Variants in BACH1 observed in about 807,000 individuals in gnomAD.
The protein encoded by BACH1 is BTB domain and CNC homolog 1.
A neutral mutation model predicts 52.9 loss-of-function variants in BACH1; 35 were observed. The observed-to-expected ratio is 0.66, with a 90% confidence interval of 0.51 to 0.88. The LOEUF is 0.88. BACH1 is among the 40% of genes least tolerant of loss of function. The probability of loss-of-function intolerance (pLI) is 0.00; values close to 1 mark genes in which losing one functional copy is unlikely to be tolerated. For missense variants in BACH1, 808 were observed against 872.6 expected, an observed-to-expected ratio of 0.93 and a Z score of 0.93; for synonymous variants, 321 against 319.6, an observed-to-expected ratio of 1.00 and a Z score of -0.05.
At chr21:29,349,243 C>CG (rs145456314), downstream of BACH1, among the ~76,000 whole-genome samples, 3,059 of 152,256 alleles carry the variant, frequency 0.02, 88 homozygotes, top group African/African-American at 0.062. Flanking sequence ...GCAAGGGCCA[C>CG]AGTGGCCTGG....
intron 2 of BACH1, among the ~76,000 whole-genome samples, chr21:29,322,772 GGTT>G (rs1453007122): frequency 1.3e-5 from 2 of 152,206 alleles, no homozygotes; most frequent in Non-Finnish European, 2.9e-5. Flanking sequence ...TTTGGGAACA[GGTT>G]GTCTGTTAGT....
At chr21:29,358,810 G>GAAAGAAAGAAAGAA (rs1555888597) in intron 2 of BACH1, among the ~76,000 whole-genome samples, 20 of 88,794 alleles carry the variant, frequency 2.3e-4, no homozygotes, top group African/African-American at 5.8e-4. Flanking sequence ...AAGAAAGAAA[G>GAAAGAAAGAAAGAA]AAAGAAGAAA....
intron 4 of BACH1, among the ~76,000 whole-genome samples, chr21:29,335,325 T>G (rs1362135922): frequency 6.6e-6 from 1 of 152,236 alleles, no homozygotes; most frequent in Non-Finnish European, 1.5e-5. Context: ...CTGTTTGTAC[T>G]GCCCAGCACG....
At chr21:29,310,341 T>C (rs1465181636) in intron 1 of BACH1, among the ~76,000 whole-genome samples, 2 of 152,226 alleles carry the variant, frequency 1.3e-5, no homozygotes, top group Admixed American at 6.5e-5. Flanking sequence ...AGAATTTGAA[T>C]GCAGAAACAA....
intron 1 of BACH1, among the ~76,000 whole-genome samples, chr21:29,310,225 C>G (rs1394246706): frequency 5.3e-5 from 8 of 152,132 alleles, no homozygotes. Context: ...TCACGACAAT[C>G]AAAATAATTG....
intron 1 of BACH1, among the ~76,000 whole-genome samples, chr21:29,302,296 A>G (rs571022437): frequency 6.6e-6 from 1 of 152,342 alleles, no homozygotes; most frequent in East Asian, 1.9e-4. Context: ...ATTCGCCAGA[A>G]TCCGTGCCCC....
rs922884803 is a variant in BACH1, at chr21:29,345,938, A to T, written c.*3105A>T. 2 of 152,630 alleles carry T rather than the reference A, an allele frequency of 1.3e-5. No individual in the cohort carries two copies. The highest frequency in any genetic ancestry group is 1.3e-4 in the Admixed American group (2 of 15,278). The allele number at this position is 152,630 out of a possible 1,614,324, so 9.5% of individuals were successfully genotyped here. On this transcript the variant is annotated 3_prime_UTR_variant, in exon 5 of 5. Coordinates refer to ENST00000286800, the MANE Select transcript of BACH1 (RefSeq NM_001186.4). ...AAACATTGATTTTTTTATATCTTTCATAATATAATTTTCTAACAATGCAAT... is the reference window on the plus strand; with the variant it reads ...AAACATTGATTTTTTTATATCTTTCTTAATATAATTTTCTAACAATGCAAT...
rs1479980934 is a variant in BACH1 at position 29,326,240 on chromosome 21, A to T, written c.416A>T (p.Glu139Val). 1 of 1,614,138 alleles carries T rather than the reference A, an allele frequency of 6.2e-7. No individual in the cohort carries two copies. The highest frequency in any genetic ancestry group is 1.7e-5 in the Admixed American group (1 of 59,998). Residue 139 changes from glutamate (E) to valine (V), a missense_variant, in exon 3 of 5, where the codon GAA (glutamate) becomes GTA (valine). By Grantham distance (121) the Glu-to-Val change is moderately radical (BLOSUM62 -2). Coordinates refer to ENST00000286800, the MANE Select transcript of BACH1 (RefSeq NM_001186.4). ...KFLDSTADQQ[E>V]CPRKKCFSSH... Reference sequence around the variant, plus strand: ...TTGGACTCCACTGCAGACCAGCAAGAATGCCCAAGAAAAAAATGCTTTTCA... The same window carrying T: ...TTGGACTCCACTGCAGACCAGCAAGTATGCCCAAGAAAAAAATGCTTTTCA...
chr21:29,340,425 C>G (rs890975690), intron 4 of BACH1, among the ~76,000 whole-genome samples: 1 of 152,054 alleles, frequency 6.6e-6, no homozygotes, highest in Non-Finnish European at 1.5e-5. Context: ...GATGTCATCC[C>G]TAATTTAGTG....
chr21:29,319,318 A>G (rs1490209051), intron 1 of BACH1, among the ~76,000 whole-genome samples: 1 of 152,164 alleles, frequency 6.6e-6, no homozygotes, highest in Non-Finnish European at 1.5e-5. Flanking sequence ...AAGAGAAGGT[A>G]TTGGATCCCA....
intron 2 of BACH1, among the ~76,000 whole-genome samples, chr21:29,353,266 T>TA (rs1162371644): frequency 6.6e-6 from 1 of 152,138 alleles, no homozygotes; most frequent in Non-Finnish European, 1.5e-5. Context: ...AAGTTGTAAG[T>TA]AAAAAATAGA....
chr21:29,311,604 T>G (rs59795412), intron 1 of BACH1, among the ~76,000 whole-genome samples: 1 of 152,214 alleles, frequency 6.6e-6, no homozygotes, highest in Middle Eastern at 3.2e-3. Flanking sequence ...ATCTGTTGAC[T>G]TGGTATTACT....
At chr21:29,351,209 C>T (rs997161817) in intron 2 of BACH1, among the ~76,000 whole-genome samples, 1 of 152,178 alleles carries the variant, frequency 6.6e-6, no homozygotes, top group African/African-American at 2.4e-5. Context: ...GGAGACCGGA[C>T]CTAAATAATT....
downstream of BACH1, among the ~76,000 whole-genome samples, chr21:29,348,014 T>TA (rs201350199): frequency 0.012 from 1,755 of 152,170 alleles, 35 homozygotes; most frequent in African/African-American, 0.04. Context: ...CCCTTTGGAT[T>TA]AAAAAAAATC....
At position 29,327,085 on chromosome 21, in the gene BACH1, G is replaced by T; in HGVS notation, c.1261G>T (p.Ala421Ser). Reference protein sequence around the residue: ...PCQMQLSPAVAKDGSEQISQK... With the variant: ...PCQMQLSPAVSKDGSEQISQK... Reference sequence around the variant, plus strand: ...CCAAATGCAGTTATCACCTGCTGTGGCCAAAGATGGCTCAGAACAGATCTC... The same window carrying T: ...CCAAATGCAGTTATCACCTGCTGTGTCCAAAGATGGCTCAGAACAGATCTC... The change falls in exon 3 of 5, where the codon GCC (alanine) becomes TCC (serine). Residue 421 changes from alanine (A) to serine (S), a missense_variant. By Grantham distance (99) the Ala-to-Ser change is moderately conservative. Coordinates refer to ENST00000286800, the MANE Select transcript of BACH1 (RefSeq NM_001186.4). 2 of 1,614,208 alleles carry T rather than the reference G, an allele frequency of 1.2e-6. No homozygotes were observed. The highest frequency in any genetic ancestry group is 1.7e-6 in the Non-Finnish European group (2 of 1,180,046).
downstream of BACH1, among the ~76,000 whole-genome samples, chr21:29,350,069 G>T (rs2089193662): frequency 6.6e-6 from 1 of 152,058 alleles, no homozygotes; most frequent in Non-Finnish European, 1.5e-5. Context: ...AAGCCACAAC[G>T]ATCCTCTAGA....
rs1333477876 is a variant in BACH1, at chr21:29,345,827, A to G, written c.*2994A>G. 6.6e-6 allele frequency: 1 copy of G among 152,632 alleles called. No homozygotes were observed. The highest frequency in any genetic ancestry group is 1.5e-5 in the Non-Finnish European group (1 of 68,026). 9.5% of individuals were successfully genotyped at this position (152,632 alleles called of 1,614,324 possible). On this transcript the variant is annotated 3_prime_UTR_variant, in exon 5 of 5. Transcript: ENST00000286800. Reference sequence around the variant, plus strand: ...TAAATGTTTTATTAAGGCATGTAATAAACTATTCTTTGAAACTTGTTGGGT... The same window carrying G: ...TAAATGTTTTATTAAGGCATGTAATGAACTATTCTTTGAAACTTGTTGGGT...
At chr21:29,318,084 TA>T (rs201202898) in intron 1 of BACH1, among the ~76,000 whole-genome samples, 1 of 150,366 alleles carries the variant, frequency 6.7e-6, no homozygotes, top group African/African-American at 2.4e-5. Flanking sequence ...AACTGGGATT[TA>T]AAAAAAAAAT....
chr21:29,344,630 G>C lies in BACH1; in HGVS notation c.*1797G>C, dbSNP rs532354200. The C allele has an allele frequency of 3.2e-5, 4 of 123,280 alleles. No individual in the cohort carries two copies. The East Asian group carries it at 1.0e-3, about 32-fold the overall frequency. 7.6% of individuals were successfully genotyped at this position (123,280 alleles called of 1,614,324 possible). On this transcript the variant is annotated 3_prime_UTR_variant, in exon 5 of 5. Coordinates refer to ENST00000286800, the MANE Select transcript of BACH1 (RefSeq NM_001186.4). ...TGATAGTGCATCCCATACTGCAAAA[G>C]AATTTGTGTGTGTGTGTGTGTGTGT...
Sources: gnomAD v4.1 joint callset for allele counts (sites outside exome capture counted in the v4.1 genomes callset) on GRCh38, gnomAD v4.1.1 for gene constraint, MANE v1.5 for transcripts, NCBI Gene and HGNC (gene_info 2026-07-23, HGNC 2026-07-21) for gene names.